ANKS1A: variants seen among roughly 807,000 people sequenced by gnomAD.
ANKS1A encodes the protein ankyrin repeat and SAM domain-containing protein 1A.
Under a neutral mutation model 120.3 loss-of-function variants are expected in ANKS1A, and 55 were observed. The ratio of observed to expected loss-of-function variants is 0.46; its 90% CI spans 0.37 to 0.57. ANKS1A has a LOEUF of 0.57. Among genes scored for constraint, ANKS1A ranks in the 20% least tolerant of loss-of-function variants. The pLI is 0.00. For synonymous variants in ANKS1A, 590 were observed against 604.7 expected (o/e 0.98, Z 0.36); for missense variants, 1,123 against 1,480.3 (o/e 0.76, Z 3.96).
intron 1 of ANKS1A, among the ~76,000 whole-genome samples, chr6:34,930,052 C>T (rs1768909679): frequency 6.6e-6 from 1 of 151,978 alleles, no homozygotes; most frequent in South Asian, 2.1e-4. Context: ...GTTACCTTTC[C>T]CCCTTGGATT....
chr6:34,922,694 C>CTT (rs61568974), intron 1 of ANKS1A, among the ~76,000 whole-genome samples: 22,980 of 127,722 alleles, frequency 0.18, 2,757 homozygotes, highest in East Asian at 0.55. Flanking sequence ...CTGGGCATTT[C>CTT]TTTTTTTTTT....
At chr6:34,963,014 A>G (rs914532816) in intron 1 of ANKS1A, among the ~76,000 whole-genome samples, 3 of 151,412 alleles carry the variant, frequency 2.0e-5, no homozygotes, top group Non-Finnish European at 4.4e-5. Context: ...GGCATGTGCT[A>G]CCACACCCAG....
chr6:35,011,213 T>G (rs915690736), intron 10 of ANKS1A, among the ~76,000 whole-genome samples: 1 of 152,228 alleles, frequency 6.6e-6, no homozygotes, highest in Admixed American at 6.5e-5. Context: ...GGTAGAGGAC[T>G]CAAGTCAGTT....
chr6:34,994,588 A>G (rs1772751353), intron 10 of ANKS1A, among the ~76,000 whole-genome samples, 166 bp downstream of exon 10: 1 of 152,150 alleles, frequency 6.6e-6, no homozygotes. Flanking sequence ...TTCATTTCCA[A>G]TACCTGACCT....
Position 35,084,470 on chromosome 6 carries a change from C to A in ANKS1A, c.3132+212C>A, listed in dbSNP as rs1036910276. On this transcript the variant is annotated intron_variant, in intron 21 of 23. Coordinates refer to ENST00000360359, the MANE Select transcript of ANKS1A (RefSeq NM_015245.3). The surrounding 1 kb of genome is among the most constrained non-coding windows in gnomAD (Gnocchi z 4.8). Reference sequence around the variant, plus strand: ...AGAGGGAACAGGGACTGGCCCAGGGCACTAGGGACAGGAGGTTCCAGCTTT... The same window carrying A: ...AGAGGGAACAGGGACTGGCCCAGGGAACTAGGGACAGGAGGTTCCAGCTTT... Among the ~76,000 whole-genome samples, 1 of 149,872 alleles carries A rather than the reference C, an allele frequency of 6.7e-6. No homozygotes were observed. Among genetic ancestry groups the A allele is most frequent in the Non-Finnish European group, 1.5e-5 (1 of 67,748 alleles).
At chr6:35,095,302 G>A (rs920184923), downstream of ANKS1A, among the ~76,000 whole-genome samples, 2 of 152,054 alleles carry the variant, frequency 1.3e-5, no homozygotes, top group African/African-American at 4.8e-5. Flanking sequence ...GCCGGGCATG[G>A]TGACTCATGC....
chr6:34,962,425 G>C (rs1439055443), intron 1 of ANKS1A, among the ~76,000 whole-genome samples: 1 of 152,138 alleles, frequency 6.6e-6, no homozygotes, highest in Admixed American at 6.5e-5. Context: ...ATACATTATA[G>C]AGTGGCTAGA....
intron 1 of ANKS1A, among the ~76,000 whole-genome samples, chr6:34,917,442 C>G (rs1768221375): frequency 1.3e-5 from 2 of 152,306 alleles, no homozygotes; most frequent in South Asian, 4.1e-4. Flanking sequence ...CTCCGCTGCC[C>G]CACAGTGTTC....
chr6:35,017,829 G>T lies in ANKS1A; in HGVS notation c.1780G>T (p.Gly594Cys). 6.2e-7 allele frequency: 1 copy of T among 1,614,204 alleles called. No individual in the cohort carries two copies. Among genetic ancestry groups the T allele is most frequent in the African/African-American group, 1.3e-5 (1 of 75,058 alleles). ...LTHTASPHPG[G>C]AEEGDRSGAR... ...TCACACAGCATCTCCGCACCCTGGT[G>T]GTGCTGAGGAAGGAGACCGGAGTGG... The change falls in exon 11 of 24, where the codon GGT becomes TGT. Residue 594 changes from glycine to cysteine, a missense_variant. Physicochemically the swap from Gly to Cys is radical, Grantham distance 159. Transcript: ENST00000360359.
At chr6:35,027,552 C>A (rs1233842186) in intron 11 of ANKS1A, among the ~76,000 whole-genome samples, 1 of 152,100 alleles carries the variant, frequency 6.6e-6, no homozygotes, top group African/African-American at 2.4e-5. Flanking sequence ...AGAGTGGCAG[C>A]CAGATGGTGG....
intron 11 of ANKS1A, among the ~76,000 whole-genome samples, chr6:35,049,896 G>A (rs1004329136): frequency 1.3e-5 from 2 of 152,150 alleles, no homozygotes; most frequent in African/African-American, 2.4e-5. Context: ...CTTGAGGTCC[G>A]CCTGTGCCCA....
chr6:34,950,075 A>T (rs762050642), intron 1 of ANKS1A, among the ~76,000 whole-genome samples: 1 of 152,140 alleles, frequency 6.6e-6, no homozygotes, highest in Non-Finnish European at 1.5e-5. Flanking sequence ...TACTTCTGAC[A>T]CTTCTTAAAA....
intron 1 of ANKS1A, among the ~76,000 whole-genome samples, chr6:34,902,085 TG>T: frequency 6.6e-6 from 1 of 152,302 alleles, no homozygotes; most frequent in South Asian, 2.1e-4. Flanking sequence ...TCTCCATAAT[TG>T]TGTGTTTAAG....
chr6:34,910,739 T>G (rs1664055537), intron 1 of ANKS1A, among the ~76,000 whole-genome samples: 2 of 151,694 alleles, frequency 1.3e-5, no homozygotes, highest in Non-Finnish European at 2.9e-5. Flanking sequence ...GTGGGTGCCT[T>G]TAGTCCAGCT....
At chr6:35,081,654 TC>T (rs551127634) in intron 17 of ANKS1A, among the ~76,000 whole-genome samples, 64 of 152,340 alleles carry the variant, frequency 4.2e-4, no homozygotes, top group African/African-American at 1.4e-3. Flanking sequence ...ATTCTGTTCT[TC>T]CTGTTCTCTG....
intron 14 of ANKS1A, 63 bp downstream of exon 14, chr6:35,078,719 C>A: frequency 6.7e-7 from 1 of 1,483,504 alleles, no homozygotes; most frequent in Non-Finnish European, 9.3e-7. Flanking sequence ...CCTAGCACCA[C>A]CTGCACCAAG....
chr6:35,021,937 G>A (rs1419367782), intron 11 of ANKS1A, among the ~76,000 whole-genome samples: 3 of 150,782 alleles, frequency 2.0e-5, no homozygotes, highest in African/African-American at 7.3e-5. Context: ...AGTGAGCGGA[G>A]ATCACACCAC....
intron 13 of ANKS1A, among the ~76,000 whole-genome samples, chr6:35,074,924 A>T (rs1201399825): frequency 2.6e-5 from 4 of 152,208 alleles, no homozygotes; most frequent in African/African-American, 9.6e-5. Flanking sequence ...GGGCCAAGCA[A>T]GTCATGGTCT....
intron 1 of ANKS1A, among the ~76,000 whole-genome samples, chr6:34,958,127 T>C (rs745628020): frequency 6.6e-6 from 1 of 152,150 alleles, no homozygotes; most frequent in Non-Finnish European, 1.5e-5. Flanking sequence ...CATCTACATA[T>C]GGGAGTCAAA....
Sources: gnomAD v4.1 joint callset for allele counts (sites outside exome capture counted in the v4.1 genomes callset) on GRCh38, gnomAD v4.1.1 for gene constraint, Gnocchi (gnomAD v3.1) non-coding constraint, MANE v1.5 for transcripts, NCBI Gene and HGNC (gene_info 2026-07-23, HGNC 2026-07-21) for gene names.